Variants in SLC9C1 observed in about 807,000 individuals in gnomAD.
SLC9C1 encodes solute carrier family 9 member C1.
SLC9C1 carries 97 observed loss-of-function variants against 140.9 expected under a neutral mutation model. The observed-to-expected ratio is 0.69, with a 90% CI of 0.58 to 0.82. SLC9C1 has a LOEUF of 0.82. Ranked by LOEUF, SLC9C1 falls within the 40% of genes least tolerant of loss-of-function variation. SLC9C1 has a pLI of 0.00. For synonymous variants in SLC9C1, 440 were observed against 442.6 expected, an observed-to-expected ratio of 0.99 and a Z score of 0.07; for missense variants, 1,340 against 1,389.3, an observed-to-expected ratio of 0.96 and a Z score of 0.56.
chr3:112,171,441 G>A (rs2077245872), intron 23 of SLC9C1, among the ~76,000 whole-genome samples: 1 of 152,104 alleles, frequency 6.6e-6, no homozygotes, highest in Admixed American at 6.6e-5. Flanking sequence ...TCTTTGCCCA[G>A]TTTTTAATTC....
At chr3:112,246,186 C>A (rs1446332970) in intron 10 of SLC9C1, among the ~76,000 whole-genome samples, 1 of 152,144 alleles carries the variant, frequency 6.6e-6, no homozygotes, top group Non-Finnish European at 1.5e-5. Context: ...AAGAGTGCAG[C>A]ATCAGCCTCT....
rs116456637 is a variant in SLC9C1, at chr3:112,198,479, G to A, written c.2523+842C>T. Among the ~76,000 whole-genome samples the A allele has an allele frequency of 7.0e-3, 1,055 of 151,678 alleles. 12 individuals are homozygous for A. Among genetic ancestry groups the A allele is most frequent in the African/African-American group, 0.023 (959 of 41,400 alleles). ...TTCAATGCTTGGAATGCCACTTGTC[G>A]TTCTTCTTTTGTTCCTAACTTTAAT... is the stretch of plus-strand genomic sequence containing the variant. On this transcript the variant is annotated intron_variant, in intron 20 of 28. Transcript: ENST00000305815.
chr3:112,159,319 C>T (rs1382262940), intron 26 of SLC9C1, among the ~76,000 whole-genome samples: 1 of 151,728 alleles, frequency 6.6e-6, no homozygotes, highest in East Asian at 1.9e-4. Flanking sequence ...TCATAGTTTC[C>T]AAAGTTCCTC....
In SLC9C1 at chr3:112,240,015, C is replaced by A. The variant is rs13089635; in HGVS notation, c.1280-9G>T. The stretch of plus-strand genomic sequence containing the variant: ...TGTGGCATCACGAAGACCTTTGATA[C>A]AAACACACATTTGATAAATAGTAGA... On this transcript the variant is annotated splice_polypyrimidine_tract_variant and intron_variant, in intron 11 of 28. Transcript: ENST00000305815. The A allele has an allele frequency of 0.34, 549,747 of 1,599,446 alleles. 96,673 individuals carry two copies. Among genetic ancestry groups the A allele is most frequent in the East Asian group, 0.43 (19,252 of 44,554 alleles).
At chr3:112,281,491 C>T (rs1313282140) in intron 2 of SLC9C1, among the ~76,000 whole-genome samples, 3 of 152,112 alleles carry the variant, frequency 2.0e-5, no homozygotes, top group African/African-American at 7.2e-5. Context: ...ATAGGATACA[C>T]CGATTTTTAA....
At chr3:112,237,929 T>C (rs1473004320) in intron 12 of SLC9C1, among the ~76,000 whole-genome samples, 1 of 152,146 alleles carries the variant, frequency 6.6e-6, no homozygotes, top group African/African-American at 2.4e-5. Context: ...CTGACAATTA[T>C]GTGTCTTGGA....
intron 12 of SLC9C1, among the ~76,000 whole-genome samples, chr3:112,232,621 T>C (rs969217171): frequency 7.2e-5 from 11 of 152,124 alleles, no homozygotes; most frequent in African/African-American, 2.7e-4. Context: ...CTCCCAGAAG[T>C]TGGCCCCTCA....
At chr3:112,185,891 C>G (rs964021064) in intron 20 of SLC9C1, 5 of 1,585,720 alleles carry the variant, frequency 3.2e-6, no homozygotes, top group South Asian at 1.1e-5. Context: ...GCAGGGGGCT[C>G]TCAGCCACCA....
chr3:112,286,358 T>C (rs1248817228), intron 2 of SLC9C1, among the ~76,000 whole-genome samples: 1 of 152,206 alleles, frequency 6.6e-6, no homozygotes, highest in East Asian at 1.9e-4. Flanking sequence ...CAGGCATAAT[T>C]TATAATTTGG....
At chr3:112,163,188 GTCTA>G (rs1342187708) in intron 26 of SLC9C1, among the ~76,000 whole-genome samples, 23 of 147,156 alleles carry the variant, frequency 1.6e-4, no homozygotes, top group Admixed American at 6.1e-4. Context: ...CTTGCTAGCG[GTCTA>G]TCTATTTTGT....
intron 12 of SLC9C1, among the ~76,000 whole-genome samples, chr3:112,236,983 G>T (rs7640503): frequency 2.6e-5 from 4 of 152,166 alleles, no homozygotes; most frequent in South Asian, 2.1e-4. Flanking sequence ...TGTTAGGTCC[G>T]CTTGGTGCAG....
At chr3:112,187,765 T>A (rs907038213) in intron 20 of SLC9C1, among the ~76,000 whole-genome samples, 1 of 152,112 alleles carries the variant, frequency 6.6e-6, no homozygotes, top group Non-Finnish European at 1.5e-5. Flanking sequence ...TTCTTCCACA[T>A]GGGGCAATAC....
Position 112,190,700 on chromosome 3 carries a change from T to G in SLC9C1, c.2524-8442A>C, listed in dbSNP as rs1198669785. On this transcript the variant is annotated intron_variant, in intron 20 of 28. Transcript: ENST00000305815. ...TCTTTTCAAACATTCATTGTAAATT[T>G]TGTTTATATATCTGTGAAATACTTT... Among the ~76,000 whole-genome samples the G allele has an allele frequency of 3.3e-5, 5 of 152,102 alleles. No individual in the cohort carries two copies. In the East Asian group the frequency reaches 5.8e-4, roughly 18 times the overall value.
intron 28 of SLC9C1, among the ~76,000 whole-genome samples, chr3:112,145,797 G>A (rs77133742): frequency 0.013 from 2,045 of 151,956 alleles, 57 homozygotes; most frequent in South Asian, 0.082. Context: ...GGAGAGACCC[G>A]AAGGCAGATA....
chr3:112,250,235 C>T (rs1247113810), intron 10 of SLC9C1, among the ~76,000 whole-genome samples: 9 of 151,932 alleles, frequency 5.9e-5, no homozygotes, highest in South Asian at 2.1e-4. Context: ...CTACAAAGGA[C>T]GTGAACTCAT....
intron 2 of SLC9C1, among the ~76,000 whole-genome samples, chr3:112,282,616 T>C (rs2080389071): frequency 6.6e-6 from 1 of 152,140 alleles, no homozygotes; most frequent in Non-Finnish European, 1.5e-5. Flanking sequence ...TTTTTTGTCC[T>C]AATCCTAATA....
intron 23 of SLC9C1, among the ~76,000 whole-genome samples, chr3:112,169,638 A>C (rs1226120801): frequency 6.6e-6 from 1 of 152,050 alleles, no homozygotes; most frequent in African/African-American, 2.4e-5. Flanking sequence ...CTATATCTTT[A>C]TAGTATAATT....
intron 13 of SLC9C1, among the ~76,000 whole-genome samples, chr3:112,225,016 A>G (rs749881885): frequency 2.6e-5 from 4 of 152,120 alleles, no homozygotes; most frequent in Non-Finnish European, 5.9e-5. Context: ...AAAGATATAG[A>G]CATCTAGATC....
chr3:112,153,325 A>T (rs1315958932), intron 27 of SLC9C1, among the ~76,000 whole-genome samples: 3 of 149,508 alleles, frequency 2.0e-5, no homozygotes, highest in Non-Finnish European at 4.4e-5. Flanking sequence ...TCCTTCTTCA[A>T]TCCCTCCAAA....
Sources: gnomAD v4.1 joint callset for allele counts (sites outside exome capture counted in the v4.1 genomes callset) on GRCh38, gnomAD v4.1.1 for gene constraint, MANE v1.5 for transcripts, NCBI Gene and HGNC (gene_info 2026-07-23, HGNC 2026-07-21) for gene names.